MLPH: variants seen among roughly 807,000 people sequenced by gnomAD.
The protein encoded by MLPH is exophilin-3.
MLPH carries 51 observed loss-of-function variants against 72.1 expected under a neutral mutation model. That is an observed-to-expected ratio of 0.71 (90% CI 0.56 to 0.89). MLPH has a LOEUF of 0.89. MLPH is among the 40% of genes least tolerant of loss of function. The pLI is 0.00. For synonymous variants in MLPH, 301 were observed against 310.1 expected, an observed-to-expected ratio of 0.97 and a Z score of 0.31; for missense variants, 743 against 759.9, an observed-to-expected ratio of 0.98 and a Z score of 0.26.
At chr2:237,515,992 G>A (rs1345388601) in intron 4 of MLPH, among the ~76,000 whole-genome samples, 3 of 152,244 alleles carry the variant, frequency 2.0e-5, no homozygotes, top group Non-Finnish European at 2.9e-5. Context: ...TGGCTCTGAG[G>A]CCACCCTGGG....
At chr2:237,519,429 T>G (rs1322770620) in intron 5 of MLPH, among the ~76,000 whole-genome samples, 1 of 152,134 alleles carries the variant, frequency 6.6e-6, no homozygotes, top group African/African-American at 2.4e-5. Flanking sequence ...GTTTAAAGGA[T>G]CAAAAGAATT....
rs148453947 is a variant in MLPH at position 237,533,442 on chromosome 2, G to A, written c.1021-1122G>A. 3.5e-3 allele frequency among the ~76,000 whole-genome samples: 459 copies of A among 130,194 alleles called. 3 individuals carry two copies. Among genetic ancestry groups the A allele is most frequent in the African/African-American group, 0.013 (432 of 33,390 alleles). 85.4% of individuals were successfully genotyped at this position (130,194 alleles called of 152,430 possible). A position where few individuals can be genotyped will look rare whatever the true frequency, so the allele number is the denominator to read the frequency against. ...GAGTCTTGCTCTTGACACCCAAGCTGGAGTGCAATGGCATGATGTCAGCTC... is the reference window on the plus strand; with the variant it reads ...GAGTCTTGCTCTTGACACCCAAGCTAGAGTGCAATGGCATGATGTCAGCTC... On this transcript the variant is annotated intron_variant, in intron 8 of 15. Transcript: ENST00000264605.
At position 237,552,338 on chromosome 2, in the gene MLPH, TA is replaced by T; in HGVS notation, c.1680del (p.Asp561MetfsTer15). The T allele has an allele frequency of 6.2e-6, 10 of 1,613,918 alleles. No homozygotes were observed. Among genetic ancestry groups the T allele is most frequent in the Non-Finnish European group, 8.5e-6 (10 of 1,179,842 alleles). ...KFSNSLKSQG[K>X]DDDSFDRKSV... ...TCCCTCTTCCTGTTTTCCCCAAAGG[TA>T]AAGATGATGATTCTTTTGATCGGAA... On this transcript the variant is annotated frameshift_variant and splice_region_variant, in exon 15 of 16. Coordinates refer to ENST00000264605, the MANE Select transcript of MLPH (RefSeq NM_024101.7). LOFTEE classifies it high-confidence loss of function.
At chr2:237,493,355 A>G (rs1461350171) in intron 1 of MLPH, 48 bp from the exon 2 acceptor site, 3 of 1,181,384 alleles carry the variant, frequency 2.5e-6, no homozygotes, top group East Asian at 2.3e-5. Context: ...CTTGATTGGT[A>G]TTGGTAGGCT....
rs200220846 is a variant in MLPH, at chr2:237,520,044, G to C, written c.675+15G>C. 6.2e-7 allele frequency: 1 copy of C among 1,613,748 alleles called. No homozygotes were observed. Among genetic ancestry groups the C allele is most frequent in the South Asian group, 1.1e-5 (1 of 91,066 alleles). On this transcript the variant is annotated intron_variant, in intron 6 of 15. Coordinates refer to ENST00000264605, the MANE Select transcript of MLPH (RefSeq NM_024101.7). Reference sequence around the variant, plus strand: ...ACAGCCCACAGGTCAGTGGGTCCTCGTGTCTTTCCCCTGCCCCTCCCAGGA... The same window carrying C: ...ACAGCCCACAGGTCAGTGGGTCCTCCTGTCTTTCCCCTGCCCCTCCCAGGA...
chr2:237,497,848 T>A (rs1419323201), intron 2 of MLPH, among the ~76,000 whole-genome samples: 1 of 152,238 alleles, frequency 6.6e-6, no homozygotes, highest in African/African-American at 2.4e-5. Flanking sequence ...GGTCCTCATG[T>A]CTGCTCCCGG....
chr2:237,518,465 G>A (rs1278388504), intron 4 of MLPH, 74 bp from the exon 5 acceptor site: 1 of 1,204,128 alleles, frequency 8.3e-7, no homozygotes, highest in Non-Finnish European at 1.2e-6. Context: ...TGGATGGATG[G>A]GTGGATGGGC....
At chr2:237,546,401 G>A (rs2080918576) in intron 12 of MLPH, 3 of 604,834 alleles carry the variant, frequency 5.0e-6, no homozygotes, top group Admixed American at 2.7e-5. Context: ...AAAGTTCCCT[G>A]GGTATCCTGT....
At chr2:237,491,497 A>G (rs1402502714) in intron 1 of MLPH, among the ~76,000 whole-genome samples, 3 of 152,210 alleles carry the variant, frequency 2.0e-5, no homozygotes, top group Admixed American at 1.3e-4. Flanking sequence ...AAGCACAGAA[A>G]AGCACCTGCC....
intron 9 of MLPH, among the ~76,000 whole-genome samples, chr2:237,539,075 GAC>G (rs1422153375): frequency 6.6e-6 from 1 of 152,164 alleles, no homozygotes; most frequent in Non-Finnish European, 1.5e-5. Context: ...GCTGGAGCCG[GAC>G]GTAGTGGCAG....
rs1303513374 is a variant in MLPH at position 237,501,519 on chromosome 2, T to A, written c.110+7983T>A. On this transcript the variant is annotated intron_variant, in intron 2 of 15. Transcript: ENST00000264605. ...ATCTCCTATTTCCCCCATAAATATA[T>A]ATTACATCTAAAATAATTCACTCTA... 8.5e-5 allele frequency among the ~76,000 whole-genome samples: 13 copies of A among 152,090 alleles called. No homozygotes were observed. In the South Asian group the frequency reaches 2.1e-3, roughly 24 times the overall value.
At chr2:237,552,006 G>C (rs948499451) in intron 14 of MLPH, 1 of 204,778 alleles carries the variant, frequency 4.9e-6, no homozygotes, top group African/African-American at 2.4e-5. Context: ...GAACAAAAAA[G>C]AAAAGAAAGT....
intron 2 of MLPH, among the ~76,000 whole-genome samples, chr2:237,494,210 C>A (rs919503569): frequency 5.9e-5 from 9 of 151,964 alleles, no homozygotes; most frequent in African/African-American, 2.2e-4. Context: ...GGACAGAGGG[C>A]AGAGGGTGGA....
chr2:237,516,830 AGGAT>A (rs201705751), intron 4 of MLPH, among the ~76,000 whole-genome samples: 12,004 of 114,744 alleles, frequency 0.1, 582 homozygotes, highest in South Asian at 0.23. Flanking sequence ...GATGGATGGT[AGGAT>A]GGATGGATGG....
rs1574896216 is a variant in MLPH at position 237,541,643 on chromosome 2, T to C, written c.1446+686T>C. 6.6e-6 allele frequency among the ~76,000 whole-genome samples: 1 copy of C among 152,372 alleles called. No homozygotes were observed. Among genetic ancestry groups the C allele is most frequent in the Non-Finnish European group, 1.5e-5 (1 of 68,036 alleles). ...AGGCTCTGGACTTTCCCTTCATGTA[T>C]TCCTTCTTGCTTTGCAAATAAGCTT... On this transcript the variant is annotated intron_variant, in intron 11 of 15. Coordinates refer to ENST00000264605, the MANE Select transcript of MLPH (RefSeq NM_024101.7). The surrounding 1 kb of genome is among the most constrained non-coding windows in gnomAD (Gnocchi z 5.1).
At position 237,527,481 on chromosome 2, in the gene MLPH, T is replaced by C. The variant is rs778022518; in HGVS notation, c.985T>C (p.Ser329Pro). Residue 329 changes from serine (S) to proline (P), a missense_variant, in exon 8 of 16, where the codon TCC becomes CCC. Transcript: ENST00000264605. ...IRAHVMASHH[S>P]KRRGRASSES... ...GGCTCACGTGATGGCCTCCCACCATTCCAAGCGGAGAGGCCGGGCGTCTTC... is the reference window on the plus strand; with the variant it reads ...GGCTCACGTGATGGCCTCCCACCATCCCAAGCGGAGAGGCCGGGCGTCTTC... The C allele has an allele frequency of 1.2e-6, 2 of 1,614,134 alleles. No individual in the cohort carries two copies. Among genetic ancestry groups the C allele is most frequent in the Non-Finnish European group, 1.7e-6 (2 of 1,180,030 alleles).
At position 237,542,803 on chromosome 2, in the gene MLPH, GGA is replaced by G. The variant is rs1446665287; in HGVS notation, c.1539+146_1539+147del. On this transcript the variant is annotated intron_variant, in intron 12 of 15. Transcript: ENST00000264605. ...GGTGAGTGGGGGGACAGTGGTGAGT[GGA>G]GGGACAGTGGTGAGTGGGGACAGTG... 1.3e-4 allele frequency: 55 copies of G among 414,118 alleles called. 3 individuals carry two copies. The highest frequency in any genetic ancestry group is 3.6e-4 in the South Asian group (15 of 41,814). 25.7% of individuals were successfully genotyped at this position (414,118 alleles called of 1,614,324 possible).
In MLPH at chr2:237,510,495, G is replaced by A; in HGVS notation, c.111-79G>A. 2 of 1,209,246 alleles carry A rather than the reference G, an allele frequency of 1.7e-6. No homozygotes were observed. Among genetic ancestry groups the A allele is most frequent in the Non-Finnish European group, 2.4e-6 (2 of 829,038 alleles). 74.9% of individuals were successfully genotyped at this position (1,209,246 alleles called of 1,614,324 possible). On this transcript the variant is annotated intron_variant, in intron 2 of 15. Transcript: ENST00000264605. This position sits in a 1 kb window ranked among gnomAD's most constrained non-coding sequence, Gnocchi z 4.4. ...TATGTGTCTGTGTCTGTGTGTGTGTGTATGTACGTGTACACACTTAAAGCC... is the reference window on the plus strand; with the variant it reads ...TATGTGTCTGTGTCTGTGTGTGTGTATATGTACGTGTACACACTTAAAGCC...
Position 237,493,430 on chromosome 2 carries a change from G to A in MLPH, c.4G>A (p.Gly2Arg). Residue 2 changes from glycine to arginine, a missense_variant, in exon 2 of 16, where the codon GGG (glycine) becomes AGG (arginine). Physicochemically the swap from Gly to Arg is moderately radical, Grantham distance 125 (BLOSUM62 -2). Coordinates refer to ENST00000264605, the MANE Select transcript of MLPH (RefSeq NM_024101.7). M[G>R]KKLDLSKLTD... The stretch of plus-strand genomic sequence containing the variant: ...GTGACCCCGACAAGAAGCAGAAATG[G>A]GGAAGAAACTGGATCTTTCCAAGCT... 1 of 1,613,646 alleles carries A rather than the reference G, an allele frequency of 6.2e-7. No homozygotes were observed. Among genetic ancestry groups the A allele is most frequent in the East Asian group, 2.2e-5 (1 of 44,868 alleles).
Sources: gnomAD v4.1 joint callset for allele counts (sites outside exome capture counted in the v4.1 genomes callset) on GRCh38, gnomAD v4.1.1 for gene constraint, Gnocchi (gnomAD v3.1) non-coding constraint, MANE v1.5 for transcripts, NCBI Gene and HGNC (gene_info 2026-07-23, HGNC 2026-07-21) for gene names.